The following DIP2B variants were observed in gnomAD, a reference collection of about 807,000 sequenced individuals.
DIP2B encodes DIP2 acetate--CoA ligase B (putative).
A neutral mutation model predicts 198.0 loss-of-function variants in DIP2B; 76 were observed. That is an observed-to-expected ratio of 0.38 (90% CI 0.32 to 0.46). The LOEUF (loss-of-function observed/expected upper bound fraction) is 0.46, where lower values mean the gene tolerates loss of function less well. Among genes scored for constraint, DIP2B ranks in the 20% least tolerant of loss-of-function variants. The probability of loss-of-function intolerance (pLI) is 0.99; values close to 1 mark genes in which losing one functional copy is unlikely to be tolerated. For missense variants in DIP2B, 1,559 were observed against 1,978.4 expected (o/e 0.79, Z 4.02); for synonymous variants, 701 against 739.1 (o/e 0.95, Z 0.84).
At chr12:50,651,489 G>A (rs1182227381) in intron 3 of DIP2B, among the ~76,000 whole-genome samples, 1 of 151,956 alleles carries the variant, frequency 6.6e-6, no homozygotes, top group Non-Finnish European at 1.5e-5. Context: ...AATCTATTTT[G>A]AGTCAATTTT....
intron 19 of DIP2B, among the ~76,000 whole-genome samples, chr12:50,700,146 A>G (rs944472530): frequency 1.3e-5 from 2 of 152,156 alleles, no homozygotes; most frequent in Non-Finnish European, 2.9e-5. Context: ...GCATCAGAAA[A>G]CAAAACAAAA....
At chr12:50,742,356 C>G (rs944381723) in intron 37 of DIP2B, among the ~76,000 whole-genome samples, 1 of 129,692 alleles carries the variant, frequency 7.7e-6, no homozygotes, top group African/African-American at 3.0e-5. Flanking sequence ...AAGATTGTGC[C>G]ACTGCACTCC....
At chr12:50,611,683 C>A (rs1959033216) in intron 1 of DIP2B, among the ~76,000 whole-genome samples, 2 of 152,248 alleles carry the variant, frequency 1.3e-5, no homozygotes, top group Middle Eastern at 6.8e-3. Flanking sequence ...AGTACTAGAT[C>A]CCTTCAGTCG....
At chr12:50,518,455 C>T (rs1958086020) in intron 1 of DIP2B, among the ~76,000 whole-genome samples, 1 of 152,132 alleles carries the variant, frequency 6.6e-6, no homozygotes, top group Admixed American at 6.6e-5. Context: ...AGTGATCGCC[C>T]ACCCCGGCCT....
chr12:50,641,305 T>G (rs984941323), intron 3 of DIP2B, among the ~76,000 whole-genome samples: 3 of 152,144 alleles, frequency 2.0e-5, no homozygotes, highest in Non-Finnish European at 1.5e-5. Context: ...TGCAGTGAGC[T>G]GAGATCCCAC....
intron 28 of DIP2B, among the ~76,000 whole-genome samples, chr12:50,727,415 TG>T (rs1487947997): frequency 6.6e-6 from 1 of 152,230 alleles, no homozygotes; most frequent in East Asian, 1.9e-4. Flanking sequence ...AGGGTAGAGC[TG>T]GCATTTGAAC....
intron 1 of DIP2B, among the ~76,000 whole-genome samples, chr12:50,520,076 C>T (rs1350860332): frequency 8.7e-6 from 1 of 115,164 alleles, no homozygotes; most frequent in East Asian, 2.7e-4. Context: ...TCTTACTTGT[C>T]ACCCAGGCTG....
chr12:50,631,170 G>T (rs144466089), intron 2 of DIP2B, among the ~76,000 whole-genome samples: 1 of 151,712 alleles, frequency 6.6e-6, no homozygotes, highest in Non-Finnish European at 1.5e-5. Flanking sequence ...TGTCGCCCAG[G>T]CTGGAGTGCG....
At chr12:50,509,700 T>C (rs944948281) in intron 1 of DIP2B, among the ~76,000 whole-genome samples, 1 of 152,014 alleles carries the variant, frequency 6.6e-6, no homozygotes, top group Non-Finnish European at 1.5e-5. Flanking sequence ...AGATGTTGGA[T>C]AAAGATTTTA....
intron 1 of DIP2B, among the ~76,000 whole-genome samples, chr12:50,531,358 T>C (rs938625852): frequency 6.6e-6 from 1 of 152,054 alleles, no homozygotes; most frequent in South Asian, 2.1e-4. Flanking sequence ...AAGGAGAGCA[T>C]ATTGAGTGAG....
chr12:50,646,360 AT>A (rs1938350932), intron 3 of DIP2B, among the ~76,000 whole-genome samples: 1 of 151,460 alleles, frequency 6.6e-6, no homozygotes, highest in Admixed American at 6.6e-5. Flanking sequence ...TGACCTCGTG[AT>A]CCGCCTGCCT....
chr12:50,607,609 G>C (rs75257377), intron 1 of DIP2B, among the ~76,000 whole-genome samples: 1 of 152,026 alleles, frequency 6.6e-6, no homozygotes, highest in Non-Finnish European at 1.5e-5. Context: ...CTAAGGTCAG[G>C]GTTTTTGTTC....
At chr12:50,732,028 G>A (rs931707247) in intron 31 of DIP2B, among the ~76,000 whole-genome samples, 5 of 152,118 alleles carry the variant, frequency 3.3e-5, no homozygotes, top group Admixed American at 6.5e-5. Flanking sequence ...AGATTAGATC[G>A]CCAGAGTTCT....
intron 22 of DIP2B, among the ~76,000 whole-genome samples, chr12:50,711,961 A>C (rs1939624105): frequency 6.6e-6 from 1 of 152,210 alleles, no homozygotes; most frequent in African/African-American, 2.4e-5. Flanking sequence ...TGAGTTCAAG[A>C]CCAGCCTGGG....
intron 1 of DIP2B, among the ~76,000 whole-genome samples, chr12:50,586,782 A>T (rs1264281177): frequency 6.6e-6 from 1 of 152,228 alleles, no homozygotes; most frequent in African/African-American, 2.4e-5. Context: ...CATGTTGGCC[A>T]GGCTGGTCTC....
At chr12:50,506,795 T>C (rs1346811811) in intron 1 of DIP2B, among the ~76,000 whole-genome samples, 1 of 152,230 alleles carries the variant, frequency 6.6e-6, no homozygotes, top group Admixed American at 6.5e-5. Context: ...AGCATTGACA[T>C]TAAATCTGTG....
chr12:50,610,108 G>C (rs993415895), intron 1 of DIP2B, among the ~76,000 whole-genome samples: 13 of 152,104 alleles, frequency 8.5e-5, no homozygotes, highest in Admixed American at 2.6e-4. Flanking sequence ...TTTTATTCTA[G>C]AATAATGATT....
At chr12:50,624,386 G>A (rs1937890855) in intron 1 of DIP2B, among the ~76,000 whole-genome samples, 1 of 152,118 alleles carries the variant, frequency 6.6e-6, no homozygotes, top group Non-Finnish European at 1.5e-5. Context: ...AGGCTGGAGT[G>A]CAGTGGCGCG....
intron 1 of DIP2B, among the ~76,000 whole-genome samples, chr12:50,526,617 T>C (rs1958166936): frequency 6.8e-6 from 1 of 147,842 alleles, no homozygotes; most frequent in Non-Finnish European, 1.5e-5. Flanking sequence ...GATTCTCTTT[T>C]TCCTCTGCCT....
Sources: gnomAD v4.1 joint callset for allele counts (sites outside exome capture counted in the v4.1 genomes callset) on GRCh38, gnomAD v4.1.1 for gene constraint, MANE v1.5 for transcripts, NCBI Gene and HGNC (gene_info 2026-07-23, HGNC 2026-07-21) for gene names.